BBX: variants seen among roughly 807,000 people sequenced by gnomAD.
BBX encodes HMG box transcription factor BBX.
In BBX, 30 loss-of-function variants were observed where a neutral mutation model predicts 100.2. The ratio of observed to expected loss-of-function variants is 0.30; its 90% CI spans 0.22 to 0.41. The LOEUF (loss-of-function observed/expected upper bound fraction) is 0.41, where lower values mean the gene tolerates loss of function less well. BBX is among the 10% of genes least tolerant of loss of function. The pLI, the probability that BBX is intolerant of heterozygous loss-of-function variation, is 1.00. For synonymous variants in BBX, 376 were observed against 388.1 expected (o/e 0.97, Z 0.37); for missense variants, 1,023 against 1,129.8 (o/e 0.91, Z 1.35).
At chr3:107,801,070 A>G (rs1167663558) in intron 16 of BBX, 25 bp from the exon 17 acceptor site, 1 of 1,609,514 alleles carries the variant, frequency 6.2e-7, no homozygotes. Flanking sequence ...TGATCCTCTC[A>G]TGATGGATTT....
At chr3:107,710,383 T>G in intron 3 of BBX, 69 bp from the exon 4 acceptor site, 1 of 1,304,738 alleles carries the variant, frequency 7.7e-7, no homozygotes, top group Non-Finnish European at 1.0e-6. Flanking sequence ...TCAAATTTAC[T>G]TTGATTTATC....
chr3:107,548,809 TA>T (rs1205095500), intron 2 of BBX, among the ~76,000 whole-genome samples: 10 of 152,250 alleles, frequency 6.6e-5, no homozygotes, highest in Middle Eastern at 3.4e-3. Context: ...TATGCAGCCA[TA>T]AAAAAGGAAC....
At chr3:107,735,646 G>T (rs559046940) in intron 7 of BBX, among the ~76,000 whole-genome samples, 12 of 152,050 alleles carry the variant, frequency 7.9e-5, no homozygotes, top group Non-Finnish European at 1.2e-4. Context: ...CATCTCTAGA[G>T]GGTAGAGAGG....
At chr3:107,567,892 G>A (rs183090813) in intron 2 of BBX, among the ~76,000 whole-genome samples, 3 of 151,618 alleles carry the variant, frequency 2.0e-5, no homozygotes, top group African/African-American at 4.8e-5. Flanking sequence ...ATTAACATGC[G>A]TATTTAAACA....
At chr3:107,523,245 G>T in intron 1 of BBX, 138 bp downstream of exon 1, 1 of 221,764 alleles carries the variant, frequency 4.5e-6, no homozygotes, top group South Asian at 5.2e-5. Context: ...CGGCGGCGGC[G>T]GCAGCCGGTA....
intron 2 of BBX, among the ~76,000 whole-genome samples, chr3:107,535,805 G>A (rs534738450): frequency 9.2e-5 from 14 of 152,228 alleles, no homozygotes; most frequent in African/African-American, 3.4e-4. Flanking sequence ...TGCCATGTTG[G>A]CCAGGCAGGT....
At chr3:107,697,289 T>C (rs924548123) in intron 3 of BBX, among the ~76,000 whole-genome samples, 4 of 151,952 alleles carry the variant, frequency 2.6e-5, no homozygotes, top group African/African-American at 9.7e-5. Flanking sequence ...GTTTAGAGTT[T>C]CCAGTTTTTC....
intron 9 of BBX, among the ~76,000 whole-genome samples, chr3:107,748,499 G>A (rs2064809162): frequency 6.6e-6 from 1 of 152,160 alleles, no homozygotes; most frequent in Non-Finnish European, 1.5e-5. Flanking sequence ...GCTTCAGCCA[G>A]TATTTTTATT....
intron 3 of BBX, among the ~76,000 whole-genome samples, chr3:107,707,328 T>C (rs1280812440): frequency 6.6e-6 from 1 of 152,210 alleles, no homozygotes; most frequent in Non-Finnish European, 1.5e-5. Flanking sequence ...TAGAAAAGAA[T>C]ATCTGAATTC....
chr3:107,737,754 G>A (rs956684124), intron 7 of BBX, among the ~76,000 whole-genome samples: 11 of 151,944 alleles, frequency 7.2e-5, no homozygotes, highest in African/African-American at 2.2e-4. Flanking sequence ...ATTGATTTTC[G>A]TTTGTTCACC....
At chr3:107,694,927 G>A (rs2060471022) in intron 3 of BBX, among the ~76,000 whole-genome samples, 1 of 151,576 alleles carries the variant, frequency 6.6e-6, no homozygotes, top group African/African-American at 2.4e-5. Context: ...GTCTTGGGAG[G>A]GTGTATGTGT....
At chr3:107,616,005 CTTTTTTTTTTTTTTT>C (rs59614452) in intron 2 of BBX, among the ~76,000 whole-genome samples, 9 of 19,216 alleles carry the variant, frequency 4.7e-4, no homozygotes, top group South Asian at 1.9e-3. Context: ...TACTCACCTG[CTTTTTTTTTTTTTTT>C]TTTTTTTTTT....
At chr3:107,770,113 G>A (rs1432439994) in intron 10 of BBX, among the ~76,000 whole-genome samples, 5 of 152,140 alleles carry the variant, frequency 3.3e-5, no homozygotes, top group African/African-American at 7.2e-5. Context: ...CCCAGAATAC[G>A]TCCCCAGAGT....
chr3:107,660,163 G>A (rs968844087), intron 3 of BBX, among the ~76,000 whole-genome samples: 2 of 151,988 alleles, frequency 1.3e-5, no homozygotes, highest in African/African-American at 4.8e-5. Context: ...CACTCATCTA[G>A]ATATCTCAGA....
intron 3 of BBX, among the ~76,000 whole-genome samples, chr3:107,686,209 C>T (rs1262047286): frequency 6.6e-6 from 1 of 152,182 alleles, no homozygotes. Context: ...TTAGTTTTAA[C>T]TTACCCTCTT....
chr3:107,584,082 TATATATC>T (rs1433264231), intron 2 of BBX, among the ~76,000 whole-genome samples: 1 of 27,708 alleles, frequency 3.6e-5, no homozygotes, highest in South Asian at 5.5e-4. Flanking sequence ...ATATATATTA[TATATATC>T]ATATATTATA....
chr3:107,586,166 T>TA (rs1443423386), intron 2 of BBX, among the ~76,000 whole-genome samples: 1 of 152,328 alleles, frequency 6.6e-6, no homozygotes, highest in Non-Finnish European at 1.5e-5. Flanking sequence ...ATCATTCTCT[T>TA]AACAGTAATC....
chr3:107,695,120 A>G (rs2060490788), intron 3 of BBX, among the ~76,000 whole-genome samples: 3 of 127,740 alleles, frequency 2.3e-5, no homozygotes, highest in East Asian at 2.2e-4. Flanking sequence ...CGGTCTATCA[A>G]TTTTGTTGAT....
chr3:107,744,534 TTGA>T (rs2064406023), intron 7 of BBX, 93 bp from the exon 8 acceptor site: 4 of 885,638 alleles, frequency 4.5e-6, no homozygotes, highest in South Asian at 1.6e-5. Flanking sequence ...GTAACTGTTG[TTGA>T]TAATAAAGAT....
Sources: allele counts gnomAD v4.1 joint callset (sites outside exome capture counted in the v4.1 genomes callset), GRCh38; gene constraint gnomAD v4.1.1; transcripts MANE v1.5; gene names NCBI Gene and HGNC (gene_info 2026-07-23, HGNC 2026-07-21).